The following ASIC2 variants were observed in gnomAD, a reference collection of about 807,000 sequenced individuals.
ASIC2 encodes the protein acid sensing ion channel subunit 2.
A neutral mutation model predicts 57.3 loss-of-function variants in ASIC2; 25 were observed. That is an observed-to-expected ratio of 0.44 (90% CI 0.32 to 0.61). ASIC2 has a LOEUF of 0.61. Ranked by LOEUF, ASIC2 falls within the 20% of genes least tolerant of loss-of-function variation. The pLI is 0.06. For missense variants in ASIC2, 641 were observed against 738.1 expected, an observed-to-expected ratio of 0.87 and a Z score of 1.52; for synonymous variants, 319 against 307.5, an observed-to-expected ratio of 1.04 and a Z score of -0.39.
At chr17:33,977,066 C>T (rs1246296836) in intron 1 of ASIC2, among the ~76,000 whole-genome samples, 1 of 152,058 alleles carries the variant, frequency 6.6e-6, no homozygotes, top group Admixed American at 6.5e-5. Context: ...AAATGATGTG[C>T]AGCTGCATTC....
intron 1 of ASIC2, among the ~76,000 whole-genome samples, chr17:33,963,166 C>T (rs951528415): frequency 6.6e-6 from 1 of 152,178 alleles, no homozygotes; most frequent in East Asian, 1.9e-4. Context: ...GGCTTCCAAC[C>T]TGGACTGGTG....
chr17:33,683,565 A>AG (rs1908079009), intron 1 of ASIC2, among the ~76,000 whole-genome samples: 3 of 152,098 alleles, frequency 2.0e-5, no homozygotes, highest in South Asian at 4.2e-4. Flanking sequence ...TTGTAGAGAT[A>AG]GGGTCTTGTT....
intron 1 of ASIC2, among the ~76,000 whole-genome samples, chr17:33,614,850 A>G (rs1424492821): frequency 3.3e-5 from 5 of 152,218 alleles, no homozygotes; most frequent in African/African-American, 9.6e-5. Flanking sequence ...GCTTGGGTTT[A>G]TATCTCAACT....
chr17:33,603,926 A>G (rs1905167050), intron 1 of ASIC2, among the ~76,000 whole-genome samples: 1 of 152,254 alleles, frequency 6.6e-6, no homozygotes, highest in African/African-American at 2.4e-5. Context: ...CAGCAGACAG[A>G]CTGTGAGGAA....
At chr17:33,223,753 G>T (rs952200184) in intron 1 of ASIC2, among the ~76,000 whole-genome samples, 10 of 152,224 alleles carry the variant, frequency 6.6e-5, no homozygotes, top group African/African-American at 2.4e-4. Flanking sequence ...AAATGGGGTG[G>T]CAGTATTGCA....
chr17:33,448,343 C>A (rs933193667), intron 1 of ASIC2, among the ~76,000 whole-genome samples: 3 of 152,278 alleles, frequency 2.0e-5, no homozygotes, highest in African/African-American at 7.2e-5. Flanking sequence ...CCAGATATAT[C>A]AGGTCCTAAT....
intron 2 of ASIC2, among the ~76,000 whole-genome samples, chr17:33,110,252 G>C (rs532713048): frequency 1.3e-5 from 2 of 152,310 alleles, no homozygotes; most frequent in South Asian, 4.1e-4. Flanking sequence ...GTGTCTGCAA[G>C]AAGGGCCTCT....
At chr17:33,279,886 T>G (rs889509933) in intron 1 of ASIC2, among the ~76,000 whole-genome samples, 10 of 152,192 alleles carry the variant, frequency 6.6e-5, no homozygotes, top group African/African-American at 1.7e-4. Context: ...AGTGTTGTCC[T>G]GAGGATTAAA....
chr17:33,765,366 C>G (rs1910905055), intron 1 of ASIC2, among the ~76,000 whole-genome samples: 1 of 152,100 alleles, frequency 6.6e-6, no homozygotes, highest in African/African-American at 2.4e-5. Context: ...CCTCGGCCTC[C>G]CAAAGTGCTG....
chr17:33,578,878 C>T (rs996352714), intron 1 of ASIC2, among the ~76,000 whole-genome samples: 4 of 152,138 alleles, frequency 2.6e-5, no homozygotes, highest in Non-Finnish European at 5.9e-5. Flanking sequence ...AAACAGTGAC[C>T]GTGGTAAAAC....
intron 1 of ASIC2, among the ~76,000 whole-genome samples, chr17:33,939,944 A>G (rs1334929589): frequency 2.0e-5 from 3 of 152,196 alleles, no homozygotes; most frequent in Non-Finnish European, 4.4e-5. Context: ...AGGCCAGGGT[A>G]TCGGTCATCT....
intron 3 of ASIC2, among the ~76,000 whole-genome samples, chr17:33,046,995 G>T (rs76939849): frequency 6.6e-6 from 1 of 152,236 alleles, no homozygotes; most frequent in African/African-American, 2.4e-5. Context: ...CCCTGCACTC[G>T]TGATGCCGCA....
At chr17:33,730,312 C>T (rs1346126520) in intron 1 of ASIC2, among the ~76,000 whole-genome samples, 2 of 152,152 alleles carry the variant, frequency 1.3e-5, no homozygotes, top group Non-Finnish European at 2.9e-5. Context: ...GGCATTGCTC[C>T]AGAGACTACA....
intron 1 of ASIC2, among the ~76,000 whole-genome samples, chr17:33,373,952 A>G (rs1049522703): frequency 1.3e-5 from 2 of 151,948 alleles, no homozygotes; most frequent in African/African-American, 4.8e-5. Context: ...TGCTGGGATT[A>G]CAGGCATGAA....
intron 1 of ASIC2, among the ~76,000 whole-genome samples, chr17:33,490,395 G>A (rs1049595537): frequency 2.0e-5 from 3 of 152,204 alleles, no homozygotes; most frequent in African/African-American, 7.2e-5. Context: ...TTGTTGGTGT[G>A]GCTGGATAAC....
intron 1 of ASIC2, among the ~76,000 whole-genome samples, chr17:33,450,213 A>G (rs540271580): frequency 1.0e-3 from 155 of 152,366 alleles, no homozygotes; most frequent in Admixed American, 1.7e-3. Flanking sequence ...ATGTTTAGGC[A>G]CGCTCCGTAT....
At chr17:33,587,220 T>C (rs1029437342) in intron 1 of ASIC2, among the ~76,000 whole-genome samples, 4 of 152,214 alleles carry the variant, frequency 2.6e-5, no homozygotes, top group African/African-American at 9.7e-5. Flanking sequence ...GCTGGAAATA[T>C]TTACTATCTG....
chr17:33,032,128 G>A (rs928490176), intron 3 of ASIC2, among the ~76,000 whole-genome samples: 5 of 152,174 alleles, frequency 3.3e-5, no homozygotes, highest in South Asian at 2.1e-4. Context: ...GATATAGTTC[G>A]GTTGAAGTTA....
At chr17:33,220,824 T>C (rs1026656883) in intron 1 of ASIC2, among the ~76,000 whole-genome samples, 1 of 152,068 alleles carries the variant, frequency 6.6e-6, no homozygotes, top group Non-Finnish European at 1.5e-5. Context: ...TCCCAGTACT[T>C]TGGGGGGCCG....
Sources: allele counts gnomAD v4.1 joint callset (sites outside exome capture counted in the v4.1 genomes callset), GRCh38; gene constraint gnomAD v4.1.1; transcripts MANE v1.5; gene names NCBI Gene and HGNC (gene_info 2026-07-23, HGNC 2026-07-21).